The following CHRM3 variants were observed in gnomAD, a reference collection of about 807,000 sequenced individuals.
CHRM3 encodes the protein cholinergic receptor muscarinic 3.
A neutral mutation model predicts 41.8 loss-of-function variants in CHRM3; 11 were observed. The observed-to-expected ratio is 0.26, with a 90% CI of 0.17 to 0.44. The LOEUF is 0.44. Among genes scored for constraint, CHRM3 ranks in the 20% least tolerant of loss-of-function variants. The pLI is 1.00. For synonymous variants in CHRM3, 297 were observed against 301.4 expected, an observed-to-expected ratio of 0.99 and a Z score of 0.15; for missense variants, 571 against 745.4, an observed-to-expected ratio of 0.77 and a Z score of 2.72.
intron 1 of CHRM3, among the ~76,000 whole-genome samples, chr1:239,458,734 A>G (rs1336162139): frequency 6.6e-6 from 1 of 152,182 alleles, no homozygotes. Context: ...ACTTCTTTTT[A>G]ACCTGCATTA....
intron 4 of CHRM3, among the ~76,000 whole-genome samples, chr1:239,654,674 C>T (rs1039670363): frequency 9.9e-5 from 15 of 152,184 alleles, no homozygotes; most frequent in Admixed American, 7.2e-4. Context: ...GCTGGGATTA[C>T]AGGCATGAGC....
intron 4 of CHRM3, among the ~76,000 whole-genome samples, chr1:239,668,842 G>A (rs1674078810): frequency 6.6e-6 from 1 of 152,134 alleles, no homozygotes; most frequent in Non-Finnish European, 1.5e-5. Flanking sequence ...AGACAGTTTG[G>A]GGTCTTATTC....
At chr1:239,447,922 T>C (rs944771063) in intron 1 of CHRM3, among the ~76,000 whole-genome samples, 3 of 152,198 alleles carry the variant, frequency 2.0e-5, no homozygotes, top group African/African-American at 4.8e-5. Context: ...GTTTGATATG[T>C]CATCATTCAA....
chr1:239,903,873 G>A (rs1014674773), intron 6 of CHRM3, among the ~76,000 whole-genome samples: 2 of 152,138 alleles, frequency 1.3e-5, no homozygotes, highest in African/African-American at 4.8e-5. Context: ...GTAGAGGAGC[G>A]AGGACCATCT....
intron 3 of CHRM3, among the ~76,000 whole-genome samples, chr1:239,610,884 T>C (rs936649074): frequency 2.0e-5 from 3 of 152,116 alleles, no homozygotes; most frequent in Non-Finnish European, 2.9e-5. Flanking sequence ...AAACCCCGTC[T>C]CTACTAAAAA....
chr1:239,455,499 G>T (rs778585332), intron 1 of CHRM3, among the ~76,000 whole-genome samples: 25 of 152,122 alleles, frequency 1.6e-4, no homozygotes, highest in Admixed American at 3.9e-4. Flanking sequence ...ACAAGATGTA[G>T]AGGGGAAGAC....
intron 4 of CHRM3, among the ~76,000 whole-genome samples, chr1:239,668,084 CCT>C (rs1673992733): frequency 6.8e-6 from 1 of 146,222 alleles, no homozygotes; most frequent in African/African-American, 2.5e-5. Flanking sequence ...TTTTTTTTCC[CCT>C]TTCTTTTTTT....
intron 6 of CHRM3, among the ~76,000 whole-genome samples, chr1:239,877,650 C>T (rs1039228866): frequency 1.2e-4 from 18 of 152,236 alleles, no homozygotes; most frequent in Admixed American, 3.9e-4. Context: ...TTCTTAAGGC[C>T]GTACAGCTCT....
chr1:239,651,866 T>C (rs1201332874), intron 4 of CHRM3, among the ~76,000 whole-genome samples: 3 of 152,026 alleles, frequency 2.0e-5, no homozygotes, highest in Non-Finnish European at 4.4e-5. Context: ...CCCACACCCC[T>C]GCAAAGCAAG....
intron 1 of CHRM3, among the ~76,000 whole-genome samples, chr1:239,460,170 A>T (rs571059803): frequency 2.0e-5 from 3 of 152,336 alleles, no homozygotes; most frequent in Non-Finnish European, 4.4e-5. Context: ...CTGGACATTT[A>T]TCCATTAGCT....
intron 1 of CHRM3, among the ~76,000 whole-genome samples, chr1:239,401,249 G>T (rs1179785605): frequency 6.6e-6 from 1 of 152,088 alleles, no homozygotes; most frequent in East Asian, 1.9e-4. Context: ...ACAGCCTGTG[G>T]CCATTCTCCA....
chr1:239,788,894 T>A (rs1186821143), intron 5 of CHRM3, among the ~76,000 whole-genome samples: 1 of 152,246 alleles, frequency 6.6e-6, no homozygotes, highest in Non-Finnish European at 1.5e-5. Context: ...TTTAATTCTT[T>A]GAAAGGATAT....
intron 4 of CHRM3, among the ~76,000 whole-genome samples, chr1:239,634,768 G>A (rs539832501): frequency 3.3e-5 from 5 of 152,146 alleles, no homozygotes; most frequent in Non-Finnish European, 7.3e-5. Context: ...AGTAAGGCAC[G>A]GAGCTGACTT....
intron 3 of CHRM3, among the ~76,000 whole-genome samples, chr1:239,606,638 G>T (rs964286400): frequency 2.0e-5 from 3 of 152,062 alleles, no homozygotes; most frequent in African/African-American, 7.2e-5. Context: ...GCTCTGTGTT[G>T]CCCCAATAAT....
chr1:239,494,937 C>G (rs1667787014), intron 2 of CHRM3, among the ~76,000 whole-genome samples: 2 of 152,126 alleles, frequency 1.3e-5, no homozygotes, highest in South Asian at 4.1e-4. Flanking sequence ...CTTTCTCCCT[C>G]TGGAGAATCA....
intron 5 of CHRM3, among the ~76,000 whole-genome samples, chr1:239,806,179 TC>T (rs1218148696): frequency 6.6e-6 from 1 of 152,170 alleles, no homozygotes; most frequent in Non-Finnish European, 1.5e-5. Flanking sequence ...GGCACCTTTT[TC>T]CCAGCTTTGA....
chr1:239,462,224 T>C (rs1665411310), intron 1 of CHRM3, among the ~76,000 whole-genome samples: 1 of 152,190 alleles, frequency 6.6e-6, no homozygotes, highest in Non-Finnish European at 1.5e-5. Flanking sequence ...GATACATTCA[T>C]TTTATTATTC....
At chr1:239,549,016 A>G (rs527863637) in intron 3 of CHRM3, among the ~76,000 whole-genome samples, 22 of 152,300 alleles carry the variant, frequency 1.4e-4, no homozygotes, top group Admixed American at 2.6e-4. Flanking sequence ...CATGGTGGAA[A>G]GCAAGGAGGA....
intron 5 of CHRM3, among the ~76,000 whole-genome samples, chr1:239,787,636 A>G (rs1230817472): frequency 2.0e-5 from 3 of 152,252 alleles, no homozygotes; most frequent in East Asian, 3.9e-4. Context: ...TTGCAATGTG[A>G]TCGTGCTGGC....
Sources: gnomAD v4.1 joint callset for allele counts (sites outside exome capture counted in the v4.1 genomes callset) on GRCh38, gnomAD v4.1.1 for gene constraint, MANE v1.5 for transcripts, NCBI Gene and HGNC (gene_info 2026-07-23, HGNC 2026-07-21) for gene names.